CBX2: variants seen among roughly 807,000 people sequenced by gnomAD.
CBX2 encodes the protein chromobox protein homolog 2.
CBX2 carries 11 observed loss-of-function variants against 21.0 expected under a neutral mutation model. That is an observed-to-expected ratio of 0.52 (90% CI 0.33 to 0.87). CBX2 has a LOEUF of 0.87. Ranked by LOEUF, CBX2 falls within the 40% of genes least tolerant of loss-of-function variation. The probability of loss-of-function intolerance (pLI) is 0.02; values close to 1 mark genes in which losing one functional copy is unlikely to be tolerated. For missense variants in CBX2, 746 were observed against 724.3 expected (o/e 1.03, Z -0.34); for synonymous variants, 364 against 304.6 (o/e 1.19, Z -2.03).
chr17:79,783,705 C>A, intron 4 of CBX2, 27 bp from the exon 5 acceptor site: 1 of 1,546,054 alleles, frequency 6.5e-7, no homozygotes, highest in Non-Finnish European at 8.8e-7. Flanking sequence ...CCACTGCACC[C>A]AGCCAACTTC....
Position 79,783,850 on chromosome 17 carries a change from G to A in CBX2, c.407G>A (p.Gly136Asp), listed in dbSNP as rs1427801137. The change falls in exon 5 of 5, where the codon GGC becomes GAC. Residue 136 changes from glycine (G) to aspartate (D), a missense_variant. Around this residue, in one of 2 missense-constraint regions of CBX2, gnomAD observed 701 missense variants for 650.7 expected, o/e 1.08. Transcript: ENST00000310942. ...TTAGATGCTAAGAGGGGTCCCCGGG[G>A]CCGCGAGACCCACCCAGTGCCGCAG... is the stretch of plus-strand genomic sequence containing the variant. The part of the protein sequence containing the change: ...SDLDAKRGPR[G>D]RETHPVPQKK... The A allele has an allele frequency of 1.2e-6, 2 of 1,613,422 alleles. No individual in the cohort carries two copies. The highest frequency in any genetic ancestry group is 1.7e-6 in the Non-Finnish European group (2 of 1,179,714).
At position 79,784,938 on chromosome 17, in the gene CBX2, C is replaced by T; in HGVS notation, c.1495C>T (p.Leu499Phe). ...CCAGGACTGGAAGCCCACCCGCAGC[C>T]TCATCGAGCACGTATTTGTCACCGA... ...TSQDWKPTRS[L>F]IEHVFVTDVT... The change falls in exon 5 of 5, where the codon CTC (leucine) becomes TTC (phenylalanine). Residue 499 changes from leucine to phenylalanine, a missense_variant. Coordinates refer to ENST00000310942, the MANE Select transcript of CBX2 (RefSeq NM_005189.3). This position sits in a 1 kb window ranked among gnomAD's most constrained non-coding sequence, Gnocchi z 5.9. 3.7e-6 allele frequency: 6 copies of T among 1,612,876 alleles called. No homozygotes were observed. Among genetic ancestry groups the T allele is most frequent in the Non-Finnish European group, 5.1e-6 (6 of 1,180,032 alleles).
upstream of CBX2, among the ~76,000 whole-genome samples, chr17:79,777,944 C>CG (rs1264024352): frequency 1.1e-4 from 16 of 144,454 alleles, 1 homozygote; most frequent in Admixed American, 2.0e-4. Context: ...CGCCCCCGCC[C>CG]GGGGCCCCGC....
intron 4 of CBX2, 180 bp downstream of exon 4, chr17:79,781,981 G>A: frequency 1.9e-6 from 3 of 1,614,164 alleles, no homozygotes; most frequent in South Asian, 1.1e-5. Flanking sequence ...GCTGCCAGGG[G>A]CCCCAGCCGG....
Position 79,778,354 on chromosome 17 carries a change from T to C in CBX2, c.73-30T>C. 3 of 1,581,090 alleles carry C rather than the reference T, an allele frequency of 1.9e-6. No individual in the cohort carries two copies. Among genetic ancestry groups the C allele is most frequent in the Non-Finnish European group, 1.7e-6 (2 of 1,168,636 alleles). Reference sequence around the variant, plus strand: ...CCCCGCCCGCCGCCCGCTGTCCGTCTGGCTCACGGCCCCTCTTCTCTCCCC... The same window carrying C: ...CCCCGCCCGCCGCCCGCTGTCCGTCCGGCTCACGGCCCCTCTTCTCTCCCC... On this transcript the variant is annotated intron_variant, in intron 1 of 4. Coordinates refer to ENST00000310942, the MANE Select transcript of CBX2 (RefSeq NM_005189.3). The surrounding 1 kb of genome is among the most constrained non-coding windows in gnomAD (Gnocchi z 4.8).
rs1317665334 is a variant in CBX2, at chr17:79,782,461, C to T, written c.288+660C>T. 4 of 1,256,588 alleles carry T rather than the reference C, an allele frequency of 3.2e-6. No homozygotes were observed. In the East Asian group the frequency reaches 1.2e-4, roughly 39 times the overall value. The allele number at this position is 1,256,588 out of a possible 1,614,324, so 77.8% of individuals were successfully genotyped here. ...TCCCCTGAGGACAGGTGAGGCAGGA[C>T]AGGATGGGGGAGGAGGGCCTGGCCT... On this transcript the variant is annotated intron_variant, in intron 4 of 4. Transcript: ENST00000310942.
rs782670771 is a variant in CBX2 at position 79,784,741 on chromosome 17, G to C, written c.1298G>C (p.Gly433Ala). ...TPASKRDCVK[G>A]SATPSGQESR... ...GCCAGCAAGAGGGACTGTGTCAAGG[G>C]CAGTGCTACCCCCAGTGGGCAGGAG... Residue 433 changes from glycine to alanine, a missense_variant, in exon 5 of 5, where the codon GGC (glycine) becomes GCC (alanine). Physicochemically the swap from Gly to Ala is moderately conservative, Grantham distance 60 (BLOSUM62 0). Transcript: ENST00000310942. The surrounding 1 kb of genome is among the most constrained non-coding windows in gnomAD (Gnocchi z 5.9). The C allele has an allele frequency of 1.2e-6, 2 of 1,611,066 alleles. No individual in the cohort carries two copies. Among genetic ancestry groups the C allele is most frequent in the East Asian group, 4.5e-5 (2 of 44,766 alleles).
chr17:79,784,236 C>A lies in CBX2; in HGVS notation c.793C>A (p.Gln265Lys), dbSNP rs1907453674. The change falls in exon 5 of 5, where the codon CAG (glutamine) becomes AAG (lysine). Residue 265 changes from glutamine (Q) to lysine (K), a missense_variant. Physicochemically the swap from Gln to Lys is moderately conservative, Grantham distance 53. Around this residue, in one of 2 missense-constraint regions of CBX2, gnomAD observed 701 missense variants for 650.7 expected, o/e 1.08. Coordinates refer to ENST00000310942, the MANE Select transcript of CBX2 (RefSeq NM_005189.3). The surrounding 1 kb of genome is among the most constrained non-coding windows in gnomAD (Gnocchi z 5.9). ...CGTGCACTACATGAACCGGATGACC[C>A]AGAGCCAGGCCCAGGCTGCCAGCAG... is the stretch of plus-strand genomic sequence containing the variant. ...SIVHYMNRMTQSQAQAASRLA... is the reference protein window; with the variant it reads ...SIVHYMNRMTKSQAQAASRLA... 1.2e-6 allele frequency: 2 copies of A among 1,612,990 alleles called. No individual in the cohort carries two copies. Among genetic ancestry groups the A allele is most frequent in the Non-Finnish European group, 1.7e-6 (2 of 1,179,948 alleles).
Position 79,784,621 on chromosome 17 carries a change from G to A in CBX2, c.1178G>A (p.Gly393Glu). ...AACCCAGCCCCTGGGAAGGGCACTG[G>A]GAGTGGCCTCATTGGGGCCAGCGGG... ...ATNPAPGKGT[G>E]SGLIGASGAT... Residue 393 changes from glycine to glutamate, a missense_variant, in exon 5 of 5, where the codon GGG becomes GAG. Around this residue, in one of 2 missense-constraint regions of CBX2, gnomAD observed 701 missense variants for 650.7 expected, o/e 1.08. Transcript: ENST00000310942. This position sits in a 1 kb window ranked among gnomAD's most constrained non-coding sequence, Gnocchi z 5.9. 6.2e-7 allele frequency: 1 copy of A among 1,612,596 alleles called. No individual in the cohort carries two copies. The highest frequency in any genetic ancestry group is 8.5e-7 in the Non-Finnish European group (1 of 1,179,930).
intron 3 of CBX2, among the ~76,000 whole-genome samples, chr17:79,780,604 G>A (rs1051973817): frequency 2.0e-5 from 3 of 152,134 alleles, no homozygotes; most frequent in Non-Finnish European, 4.4e-5. Flanking sequence ...CCTGAGATAA[G>A]AAGAGTGTAA....
intron 3 of CBX2, among the ~76,000 whole-genome samples, chr17:79,781,470 T>C (rs529471077): frequency 6.6e-6 from 1 of 152,332 alleles, no homozygotes; most frequent in South Asian, 2.1e-4. Flanking sequence ...GTTGCTTTCC[T>C]GTCTTCAGCT....
chr17:79,784,481 A>T lies in CBX2; in HGVS notation c.1038A>T (p.Ala346=). ...CTGGGTGCCCAGGCCCCCAGCCAGC[A>T]CCCACCCAGGAGCTGAGCCTCCAGG... ...VPAGCPGPQP[A]PTQELSLQVL... The change falls in exon 5 of 5, where the codon GCA becomes GCT. Residue 346 remains alanine, a synonymous_variant. Coordinates refer to ENST00000310942, the MANE Select transcript of CBX2 (RefSeq NM_005189.3). This position sits in a 1 kb window ranked among gnomAD's most constrained non-coding sequence, Gnocchi z 5.9. 1.9e-6 allele frequency: 3 copies of T among 1,612,482 alleles called. No individual in the cohort carries two copies. The highest frequency in any genetic ancestry group is 2.5e-6 in the Non-Finnish European group (3 of 1,179,848).
At chr17:79,777,455 A>G (rs1906800432), upstream of CBX2, among the ~76,000 whole-genome samples, 1 of 152,234 alleles carries the variant, frequency 6.6e-6, no homozygotes, top group Non-Finnish European at 1.5e-5. Context: ...TAGCTGTTTA[A>G]TAAGAACTCC....
In CBX2 at chr17:79,784,782, G is replaced by A. The variant is rs373878749; in HGVS notation, c.1339G>A (p.Gly447Arg). The A allele has an allele frequency of 1.7e-5, 28 of 1,610,168 alleles. No homozygotes were observed. The highest frequency in any genetic ancestry group is 1.6e-4 in the Middle Eastern group (1 of 6,074). The stretch of plus-strand genomic sequence containing the variant: ...TGGGCAGGAGAGCCGCACAGCCCCC[G>A]GAGAAGCCCGCAAGGCGGCCACACT... ...PSGQESRTAPGEARKAATLPE... is the reference protein window; with the variant it reads ...PSGQESRTAPREARKAATLPE... The change falls in exon 5 of 5, where the codon GGA (glycine) becomes AGA (arginine). Residue 447 changes from glycine to arginine, a missense_variant. By Grantham distance (125) the Gly-to-Arg change is moderately radical. Transcript: ENST00000310942. This position sits in a 1 kb window ranked among gnomAD's most constrained non-coding sequence, Gnocchi z 5.9.
chr17:79,784,643 C>T lies in CBX2; in HGVS notation c.1200C>T (p.Ser400=), dbSNP rs150127376. Residue 400 remains serine (S), a synonymous_variant, in exon 5 of 5, where the codon AGC becomes AGT. Transcript: ENST00000310942. This position sits in a 1 kb window ranked among gnomAD's most constrained non-coding sequence, Gnocchi z 5.9. ...KGTGSGLIGA[S]GATMPTDTSK... ...CTGGGAGTGGCCTCATTGGGGCCAG[C>T]GGGGCCACCATGCCCACCGACACAA... The T allele has an allele frequency of 5.9e-5, 95 of 1,612,296 alleles. No individual in the cohort carries two copies. The highest frequency in any genetic ancestry group is 1.3e-4 in the South Asian group (12 of 91,038).
At chr17:79,779,842 G>A (rs1019946711) in intron 3 of CBX2, 47 of 280,638 alleles carry the variant, frequency 1.7e-4, no homozygotes, top group African/African-American at 8.2e-4. Flanking sequence ...CCCTGCACGC[G>A]TGTGCCATCA....
In CBX2 at chr17:79,784,758, G is replaced by T; in HGVS notation, c.1315G>T (p.Gly439Trp). 6.2e-7 allele frequency: 1 copy of T among 1,610,854 alleles called. No individual in the cohort carries two copies. Among genetic ancestry groups the T allele is most frequent in the Non-Finnish European group, 8.5e-7 (1 of 1,179,070 alleles). ...DCVKGSATPS[G>W]QESRTAPGEA... ...TGTCAAGGGCAGTGCTACCCCCAGT[G>T]GGCAGGAGAGCCGCACAGCCCCCGG... Residue 439 changes from glycine to tryptophan, a missense_variant, in exon 5 of 5, where the codon GGG becomes TGG. Coordinates refer to ENST00000310942, the MANE Select transcript of CBX2 (RefSeq NM_005189.3). This position sits in a 1 kb window ranked among gnomAD's most constrained non-coding sequence, Gnocchi z 5.9.
Position 79,784,597 on chromosome 17 carries a change from A to C in CBX2, c.1154A>C (p.Asn385Thr), listed in dbSNP as rs782012826. 1 of 1,612,362 alleles carries C rather than the reference A, an allele frequency of 6.2e-7. No homozygotes were observed. Among genetic ancestry groups the C allele is most frequent in the Non-Finnish European group, 8.5e-7 (1 of 1,179,900 alleles). ...GCCACCAAGGGTGTCCCGGCCACCA[A>C]CCCAGCCCCTGGGAAGGGCACTGGG... Reference protein sequence around the residue: ...ATATKGVPATNPAPGKGTGSG... With the variant: ...ATATKGVPATTPAPGKGTGSG... The change falls in exon 5 of 5, where the codon AAC (asparagine) becomes ACC (threonine). Residue 385 changes from asparagine to threonine, a missense_variant. Asn to Thr is a moderately conservative substitution (Grantham distance 65, BLOSUM62 0). This residue lies in a region of CBX2 where 701 missense variants were observed against 650.7 expected (regional missense o/e 1.08). Transcript: ENST00000310942. The surrounding 1 kb of genome is among the most constrained non-coding windows in gnomAD (Gnocchi z 5.9).
At chr17:79,779,189 G>C (rs1906972253) in intron 2 of CBX2, among the ~76,000 whole-genome samples, 173 bp from the exon 3 acceptor site, 1 of 152,212 alleles carries the variant, frequency 6.6e-6, no homozygotes, top group Non-Finnish European at 1.5e-5. Flanking sequence ...GGCTTGGTGG[G>C]GGGTGGCCAG....
Sources: allele counts gnomAD v4.1 joint callset (sites outside exome capture counted in the v4.1 genomes callset), GRCh38; gene constraint gnomAD v4.1.1; regional missense constraint gnomAD v4.1.1; non-coding constraint Gnocchi (gnomAD v3.1); transcripts MANE v1.5; gene names NCBI Gene and HGNC (gene_info 2026-07-23, HGNC 2026-07-21).